The following TRABD2B variants were observed in gnomAD, a reference collection of about 807,000 sequenced individuals.
The protein encoded by TRABD2B is TraB domain containing 2B.
Under a neutral mutation model 40.1 loss-of-function variants are expected in TRABD2B, and 14 were observed. The ratio of observed to expected loss-of-function variants is 0.35; its 90% CI spans 0.23 to 0.55. The LOEUF (loss-of-function observed/expected upper bound fraction) is 0.55. Among genes scored for constraint, TRABD2B ranks in the 20% least tolerant of loss-of-function variants. The pLI is 0.90. For missense variants in TRABD2B, 541 were observed against 648.6 expected (o/e 0.83, Z 1.80); for synonymous variants, 263 against 277.0 (o/e 0.95, Z 0.50).
chr1:47,985,360 T>C (rs1645905887), intron 2 of TRABD2B, among the ~76,000 whole-genome samples: 2 of 152,226 alleles, frequency 1.3e-5, no homozygotes, highest in Admixed American at 1.3e-4. Context: ...GCTTAATGTC[T>C]CCTCCTGCCC....
intron 2 of TRABD2B, among the ~76,000 whole-genome samples, chr1:47,909,217 A>G (rs1240013841): frequency 6.6e-6 from 1 of 152,210 alleles, no homozygotes; most frequent in African/African-American, 2.4e-5. Flanking sequence ...TTGCATTGCT[A>G]TAAAAGAATA....
intron 4 of TRABD2B, among the ~76,000 whole-genome samples, chr1:47,792,054 G>A (rs1467296264): frequency 6.6e-6 from 1 of 152,216 alleles, no homozygotes; most frequent in Non-Finnish European, 1.5e-5. Flanking sequence ...GATCTGCTGT[G>A]CAGAGTGGGC....
At chr1:47,784,342 C>G (rs1263559921) in intron 4 of TRABD2B, among the ~76,000 whole-genome samples, 1 of 152,156 alleles carries the variant, frequency 6.6e-6, no homozygotes, top group Non-Finnish European at 1.5e-5. Flanking sequence ...TTCACCAGAT[C>G]GGAGAGGAGA....
At chr1:47,811,309 T>C (rs577042187) in intron 2 of TRABD2B, among the ~76,000 whole-genome samples, 2 of 149,446 alleles carry the variant, frequency 1.3e-5, no homozygotes, top group South Asian at 2.2e-4. Flanking sequence ...CCAAGAAGCA[T>C]GGACTTGGCC....
intron 2 of TRABD2B, among the ~76,000 whole-genome samples, chr1:47,984,416 C>T (rs910556978): frequency 1.3e-5 from 2 of 152,230 alleles, no homozygotes; most frequent in Admixed American, 6.5e-5. Flanking sequence ...GCCAGAGAGG[C>T]GGCGCGGCTC....
chr1:47,796,194 G>T (rs72892315), intron 3 of TRABD2B, among the ~76,000 whole-genome samples: 3,981 of 152,256 alleles, frequency 0.026, 182 homozygotes, highest in African/African-American at 0.09. Context: ...GGCTGTTGAG[G>T]AAATTGAGGC....
chr1:47,960,616 T>C (rs1212899066), intron 2 of TRABD2B, among the ~76,000 whole-genome samples: 9 of 152,066 alleles, frequency 5.9e-5, no homozygotes, highest in Non-Finnish European at 1.3e-4. Flanking sequence ...TCACAACTGC[T>C]ACAAAGAGAA....
intron 3 of TRABD2B, 81 bp from the exon 4 acceptor site, chr1:47,794,841 G>C: frequency 7.5e-7 from 1 of 1,330,348 alleles, no homozygotes; most frequent in African/African-American, 1.5e-5. Context: ...CACCCAGGTT[G>C]GAGTGCAGTG....
intron 2 of TRABD2B, among the ~76,000 whole-genome samples, chr1:47,879,285 A>T (rs1644267705): frequency 6.6e-6 from 1 of 152,210 alleles, no homozygotes; most frequent in African/African-American, 2.4e-5. Flanking sequence ...CAGTCCACAT[A>T]TGCAACAGTG....
intron 2 of TRABD2B, among the ~76,000 whole-genome samples, chr1:47,984,743 C>A (rs1336088070): frequency 6.6e-6 from 1 of 152,070 alleles, no homozygotes; most frequent in East Asian, 1.9e-4. Flanking sequence ...GGGCTTCTTC[C>A]AGGAAGCCTT....
chr1:47,997,040 G>T lies in TRABD2B; in HGVS notation c.-251C>A. Reference sequence around the variant, plus strand: ...CCCCGGGCGCTCAACCTCGCTGGCCGAGCCCCCGGGTGCTGAGGGCGTGTT... The same window carrying T: ...CCCCGGGCGCTCAACCTCGCTGGCCTAGCCCCCGGGTGCTGAGGGCGTGTT... On this transcript the variant is annotated 5_prime_UTR_variant, in exon 1 of 7. Coordinates refer to ENST00000606738, the MANE Select transcript of TRABD2B (RefSeq NM_001194986.2). 1 of 1,058,938 alleles carries T rather than the reference G, an allele frequency of 9.4e-7. No homozygotes were observed. The highest frequency in any genetic ancestry group is 1.1e-6 in the Non-Finnish European group (1 of 878,788). The allele number at this position is 1,058,938 out of a possible 1,614,324, so 65.6% of individuals were successfully genotyped here. A position where few individuals can be genotyped will look rare whatever the true frequency, so the allele number is the denominator to read the frequency against.
chr1:47,796,123 C>A (rs936069238), intron 3 of TRABD2B, among the ~76,000 whole-genome samples: 10 of 152,332 alleles, frequency 6.6e-5, no homozygotes, highest in African/African-American at 2.4e-4. Flanking sequence ...AACATTTTGT[C>A]TTTCCAACCT....
chr1:47,913,769 G>C (rs1456233752), intron 2 of TRABD2B, among the ~76,000 whole-genome samples: 1 of 152,118 alleles, frequency 6.6e-6, no homozygotes, highest in African/African-American at 2.4e-5. Context: ...GAAAACATCA[G>C]GAAAAGTACA....
intron 2 of TRABD2B, among the ~76,000 whole-genome samples, chr1:47,982,463 T>A (rs1645854321): frequency 6.6e-6 from 1 of 152,180 alleles, no homozygotes; most frequent in Non-Finnish European, 1.5e-5. Flanking sequence ...TGTTCAGCCA[T>A]CTAGCCAAAG....
chr1:47,927,595 T>TA lies in TRABD2B; in HGVS notation c.666+66438dup, dbSNP rs577165371. Among the ~76,000 whole-genome samples the TA allele has an allele frequency of 1.5e-3, 232 of 152,132 alleles. 1 individual carries two copies. Among genetic ancestry groups the TA allele is most frequent in the African/African-American group, 5.1e-3 (211 of 41,512 alleles). ...TAGCAGCAGAAAAACACTGAGGCCA[T>TA]AAAAAAACACTCCATGTTTGTCAGG... On this transcript the variant is annotated intron_variant, in intron 2 of 6. Coordinates refer to ENST00000606738, the MANE Select transcript of TRABD2B (RefSeq NM_001194986.2).
intron 2 of TRABD2B, among the ~76,000 whole-genome samples, chr1:47,841,428 C>A (rs781344995): frequency 6.6e-6 from 1 of 152,234 alleles, no homozygotes; most frequent in East Asian, 1.9e-4. Flanking sequence ...CAGGCCAGCG[C>A]CTGAATCCCT....
At position 47,813,810 on chromosome 1, in the gene TRABD2B, G is replaced by A. The variant is rs899224898; in HGVS notation, c.667-12191C>T. ...TTCTGCATATGTGGATGAGATTTCC[G>A]TTCTCTCTTCAGTCTTCAGTATGGA... On this transcript the variant is annotated intron_variant, in intron 2 of 6. Coordinates refer to ENST00000606738, the MANE Select transcript of TRABD2B (RefSeq NM_001194986.2). This position sits in a 1 kb window ranked among gnomAD's most constrained non-coding sequence, Gnocchi z 4.3. 1.3e-5 allele frequency among the ~76,000 whole-genome samples: 2 copies of A among 152,174 alleles called. No homozygotes were observed. Among genetic ancestry groups the A allele is most frequent in the South Asian group, 2.1e-4 (1 of 4,830 alleles).
chr1:47,830,933 CAGAG>C (rs897900978), intron 2 of TRABD2B, among the ~76,000 whole-genome samples: 7 of 152,096 alleles, frequency 4.6e-5, no homozygotes, highest in Admixed American at 1.3e-4. Context: ...AGTAACCCAG[CAGAG>C]AGAGAGAAAG....
chr1:47,982,023 C>CCCAACT, intron 2 of TRABD2B, among the ~76,000 whole-genome samples: 1 of 152,314 alleles, frequency 6.6e-6, no homozygotes, highest in Admixed American at 6.5e-5. Flanking sequence ...TTTGGTGTGT[C>CCCAACT]CCAACTCCAG....
Sources: allele counts gnomAD v4.1 joint callset (sites outside exome capture counted in the v4.1 genomes callset), GRCh38; gene constraint gnomAD v4.1.1; non-coding constraint Gnocchi (gnomAD v3.1); transcripts MANE v1.5; gene names NCBI Gene and HGNC (gene_info 2026-07-23, HGNC 2026-07-21).